Variants in SLC2A9 observed in about 807,000 individuals in gnomAD.
SLC2A9 encodes solute carrier family 2, facilitated glucose transporter member 9.
A neutral mutation model predicts 50.6 loss-of-function variants in SLC2A9; 39 were observed. The observed-to-expected ratio is 0.77, with a 90% CI of 0.60 to 1.01. The LOEUF (loss-of-function observed/expected upper bound fraction) is 1.01, where lower values mean the gene tolerates loss of function less well. SLC2A9 is among the 50% of genes least tolerant of loss of function. The pLI, the probability that SLC2A9 is intolerant of heterozygous loss-of-function variation, is 0.00. For missense variants in SLC2A9, 686 were observed against 677.6 expected, an observed-to-expected ratio of 1.01 and a Z score of -0.14; for synonymous variants, 324 against 276.9, an observed-to-expected ratio of 1.17 and a Z score of -1.69.
At chr4:9,988,129 G>A (rs978834667) in intron 3 of SLC2A9, among the ~76,000 whole-genome samples, 3 of 152,334 alleles carry the variant, frequency 2.0e-5, no homozygotes, top group Admixed American at 6.5e-5. Flanking sequence ...GACCAGCTGG[G>A]GAGCTACCAC....
At position 9,980,586 on chromosome 4, in the gene SLC2A9, A is replaced by G. The variant is rs777457076; in HGVS notation, c.681+6T>C. The G allele has an allele frequency of 6.2e-7, 1 of 1,614,094 alleles. No individual in the cohort carries two copies. Among genetic ancestry groups the G allele is most frequent in the South Asian group, 1.1e-5 (1 of 91,084 alleles). ...CAGATGCGGTTGACCAGGGAGCCAC[A>G]CTCACCTTTCCCAGCAGCTCGGGCA... On this transcript the variant is annotated splice_donor_region_variant and intron_variant, in intron 5 of 11. Coordinates refer to ENST00000264784, the MANE Select transcript of SLC2A9 (RefSeq NM_020041.3).
At chr4:9,966,592 G>A (rs188140227) in intron 5 of SLC2A9, among the ~76,000 whole-genome samples, 1 of 131,614 alleles carries the variant, frequency 7.6e-6, no homozygotes, top group African/African-American at 3.3e-5. Flanking sequence ...GGAGGCGGGG[G>A]TTGAGAGCCA....
chr4:9,935,112 A>G (rs963479889), intron 6 of SLC2A9, among the ~76,000 whole-genome samples: 1 of 152,240 alleles, frequency 6.6e-6, no homozygotes, highest in African/African-American at 2.4e-5. Flanking sequence ...GTGCTGCAAT[A>G]AACATATATA....
At chr4:9,888,676 A>G (rs1210134691) in intron 9 of SLC2A9, among the ~76,000 whole-genome samples, 2 of 152,044 alleles carry the variant, frequency 1.3e-5, no homozygotes, top group Admixed American at 6.5e-5. Context: ...AGGAAAGGAA[A>G]GAGGTTCCAG....
chr4:9,998,821 T>C (rs1759240855), intron 2 of SLC2A9, among the ~76,000 whole-genome samples: 1 of 152,054 alleles, frequency 6.6e-6, no homozygotes, highest in Non-Finnish European at 1.5e-5. Context: ...GCCACAAACA[T>C]GAATGAATAC....
At chr4:9,793,744 T>A (rs1486645862) in intron 3 of SLC2A9, among the ~76,000 whole-genome samples, 1 of 152,208 alleles carries the variant, frequency 6.6e-6, no homozygotes, top group Non-Finnish European at 1.5e-5. Flanking sequence ...GAAGCCATTT[T>A]CAACAAGAGC....
At chr4:9,900,222 T>C (rs540575581) in intron 8 of SLC2A9, among the ~76,000 whole-genome samples, 5 of 152,260 alleles carry the variant, frequency 3.3e-5, no homozygotes, top group Admixed American at 6.5e-5. Flanking sequence ...AAATGCTGTC[T>C]CCACCCTGCA....
chr4:9,991,066 T>C (rs1240894893), intron 3 of SLC2A9, among the ~76,000 whole-genome samples: 1 of 152,206 alleles, frequency 6.6e-6, no homozygotes, highest in Non-Finnish European at 1.5e-5. Flanking sequence ...AGATGAGTGG[T>C]AGGGGTGGAT....
Position 9,911,143 on chromosome 4 carries a change from T to TATA in SLC2A9, c.1003-2801_1003-2799dup, listed in dbSNP as rs552663101. On this transcript the variant is annotated intron_variant, in intron 7 of 11. Transcript: ENST00000264784. ...TCCACAGGTATCCCAGAACTTAAAG[T>TATA]ATAATAATAATAATAATAAAGCAAT... 4.7e-3 allele frequency among the ~76,000 whole-genome samples: 718 copies of TATA among 151,640 alleles called. 9 individuals carry two copies. The highest frequency in any genetic ancestry group is 0.016 in the African/African-American group (675 of 41,344).
chr4:9,801,909 T>C (rs1277193837), intron 3 of SLC2A9, among the ~76,000 whole-genome samples: 1 of 152,226 alleles, frequency 6.6e-6, no homozygotes, highest in African/African-American at 2.4e-5. Context: ...TTTCTTAATC[T>C]AACTCAGGGG....
intron 8 of SLC2A9, among the ~76,000 whole-genome samples, chr4:9,899,896 T>C (rs1158993828): frequency 6.6e-6 from 1 of 152,186 alleles, no homozygotes; most frequent in Non-Finnish European, 1.5e-5. Context: ...GGACGTCTCC[T>C]CCACTTGGGT....
At chr4:9,868,302 G>T (rs1416575333) in intron 10 of SLC2A9, among the ~76,000 whole-genome samples, 1 of 152,240 alleles carries the variant, frequency 6.6e-6, no homozygotes, top group East Asian at 1.9e-4. Context: ...AGTGCAGCCT[G>T]GTGCCTTCAC....
intron 1 of SLC2A9, among the ~76,000 whole-genome samples, chr4:9,772,888 A>G (rs558877158): frequency 6.6e-6 from 1 of 151,144 alleles, no homozygotes; most frequent in East Asian, 1.9e-4. Context: ...TTAGTTACAT[A>G]TGTATACATG....
intron 10 of SLC2A9, among the ~76,000 whole-genome samples, chr4:9,874,286 A>G (rs1260141974): frequency 6.6e-6 from 1 of 152,192 alleles, no homozygotes; most frequent in African/African-American, 2.4e-5. Flanking sequence ...AATATTTTAC[A>G]AGTTAGTACA....
At chr4:9,855,400 A>G (rs1730573609) in intron 10 of SLC2A9, among the ~76,000 whole-genome samples, 1 of 152,180 alleles carries the variant, frequency 6.6e-6, no homozygotes, top group Non-Finnish European at 1.5e-5. Context: ...CTAGGAATAG[A>G]GCTAACCAGG....
chr4:9,781,381 A>C (rs1003356627), intron 3 of SLC2A9, among the ~76,000 whole-genome samples: 4 of 152,130 alleles, frequency 2.6e-5, no homozygotes, highest in African/African-American at 9.7e-5. Flanking sequence ...CTTGTTCCCC[A>C]AGCGTGGCCA....
chr4:9,784,538 T>C (rs1429350945), intron 3 of SLC2A9, among the ~76,000 whole-genome samples: 1 of 152,192 alleles, frequency 6.6e-6, no homozygotes, highest in Non-Finnish European at 1.5e-5. Flanking sequence ...TAGTGGACAA[T>C]AGCAAATAGG....
intron 3 of SLC2A9, among the ~76,000 whole-genome samples, chr4:9,791,588 T>A (rs1400429322): frequency 6.6e-6 from 1 of 152,178 alleles, no homozygotes; most frequent in Non-Finnish European, 1.5e-5. Context: ...GAGGACAGGC[T>A]TTTTTGTTCT....
chr4:9,814,462 T>C (rs1160463268), intron 3 of SLC2A9, among the ~76,000 whole-genome samples: 1 of 152,140 alleles, frequency 6.6e-6, no homozygotes, highest in African/African-American at 2.4e-5. Context: ...CCAGAAACAG[T>C]GGGTCTGTAG....
Sources: gnomAD v4.1 joint callset for allele counts (sites outside exome capture counted in the v4.1 genomes callset) on GRCh38, gnomAD v4.1.1 for gene constraint, MANE v1.5 for transcripts, NCBI Gene and HGNC (gene_info 2026-07-23, HGNC 2026-07-21) for gene names.